Variants in SLC4A8 observed in about 807,000 individuals in gnomAD.
The protein encoded by SLC4A8 is solute carrier family 4 member 8.
In SLC4A8, 40 loss-of-function variants were observed where a neutral mutation model predicts 125.0. That is an observed-to-expected ratio of 0.32 (90% CI 0.25 to 0.42). The LOEUF (loss-of-function observed/expected upper bound fraction) is 0.42, where lower values mean the gene tolerates loss of function less well. Among genes scored for constraint, SLC4A8 ranks in the 10% least tolerant of loss-of-function variants. SLC4A8 has a pLI of 1.00. For missense variants in SLC4A8, 863 were observed against 1,355.1 expected (o/e 0.64, Z 5.70); for synonymous variants, 456 against 476.0 (o/e 0.96, Z 0.55).
In SLC4A8 at chr12:51,461,280, A is replaced by G. The variant is rs1365740579; in HGVS notation, c.1090A>G (p.Met364Val). Residue 364 changes from methionine (M) to valine (V), a missense_variant, in exon 9 of 25, where the codon ATG becomes GTG. Coordinates refer to ENST00000453097, the MANE Select transcript of SLC4A8 (RefSeq NM_001039960.3). ...HEIGRSMATIMTDEIFHDVAY... is the reference protein window; with the variant it reads ...HEIGRSMATIVTDEIFHDVAY... ...GATTGGCAGATCCATGGCCACCATC[A>G]TGACAGATGAGGTATGTGCAACTTT... is the stretch of plus-strand genomic sequence containing the variant. 3 of 1,599,770 alleles carry G rather than the reference A, an allele frequency of 1.9e-6. No homozygotes were observed.
rs1938375505 is a variant in SLC4A8 at position 51,511,812 on chromosome 12, A to G, written c.*4374A>G. On this transcript the variant is annotated 3_prime_UTR_variant, in exon 25 of 25. Transcript: ENST00000453097. Reference sequence around the variant, plus strand: ...TCCAACTTTTTCAGGCAGTATTCCAATCAGGGTTTTACGACACCAGGGTAT... The same window carrying G: ...TCCAACTTTTTCAGGCAGTATTCCAGTCAGGGTTTTACGACACCAGGGTAT... 3.9e-5 allele frequency: 6 copies of G among 152,228 alleles called. No individual in the cohort carries two copies. The South Asian group carries it at 1.2e-3, about 32-fold the overall frequency. The allele number at this position is 152,228 out of a possible 1,614,324, so 9.4% of individuals were successfully genotyped here. A position where few individuals can be genotyped will look rare whatever the true frequency, so the allele number is the denominator to read the frequency against.
intron 16 of SLC4A8, among the ~76,000 whole-genome samples, chr12:51,483,071 G>C (rs559779582): frequency 2.0e-5 from 3 of 152,138 alleles, no homozygotes; most frequent in African/African-American, 7.2e-5. Context: ...CCCAGGTATT[G>C]TTGAGTCTGT....
At chr12:51,495,470 C>CTTTTTTTTTTTTTTTTTTTTT (rs3028942) in intron 21 of SLC4A8, among the ~76,000 whole-genome samples, 7 of 76,276 alleles carry the variant, frequency 9.2e-5, no homozygotes, top group South Asian at 5.9e-4. Context: ...TTTCTTTCTT[C>CTTTTTTTTTTTTTTTTTTTTT]TTTTTTTTTT....
chr12:51,394,181 C>G (rs1948215175), intron 1 of SLC4A8, among the ~76,000 whole-genome samples: 1 of 152,218 alleles, frequency 6.6e-6, no homozygotes, highest in Non-Finnish European at 1.5e-5. Context: ...TTACCCCCAG[C>G]CTGGTGCTCC....
intron 1 of SLC4A8, among the ~76,000 whole-genome samples, chr12:51,396,539 C>A (rs1948266074): frequency 6.6e-6 from 1 of 152,002 alleles, no homozygotes. Context: ...GACAAAGTAT[C>A]AAAAATTCAA....
intron 4 of SLC4A8, 121 bp downstream of exon 4, chr12:51,452,380 C>A: frequency 8.9e-7 from 1 of 1,122,516 alleles, no homozygotes; most frequent in Non-Finnish European, 1.3e-6. Context: ...GACATGGGGA[C>A]TGACATTCCA....
intron 1 of SLC4A8, among the ~76,000 whole-genome samples, chr12:51,437,278 A>G (rs1351165969): frequency 2.0e-5 from 3 of 152,252 alleles, no homozygotes. Context: ...ACTTTGGAAC[A>G]GTAAGCTGGA....
intron 2 of SLC4A8, among the ~76,000 whole-genome samples, chr12:51,446,493 G>A (rs1222013592): frequency 6.6e-6 from 1 of 152,222 alleles, no homozygotes; most frequent in East Asian, 1.9e-4. Flanking sequence ...ACTTGGAAGT[G>A]GAGGGCACTA....
chr12:51,496,893 A>G (rs1261174189), intron 21 of SLC4A8, 94 bp from the exon 22 acceptor site: 4 of 1,266,738 alleles, frequency 3.2e-6, no homozygotes, highest in South Asian at 1.4e-5. Context: ...TTTGCTTGAA[A>G]TGTCCTAGTC....
Position 51,469,803 on chromosome 12 carries a change from C to A in SLC4A8, c.1524+15C>A. 6.2e-7 allele frequency: 1 copy of A among 1,613,052 alleles called. No individual in the cohort carries two copies. The highest frequency in any genetic ancestry group is 8.5e-7 in the Non-Finnish European group (1 of 1,179,204). On this transcript the variant is annotated intron_variant, in intron 12 of 24. Transcript: ENST00000453097. ...AGGGACGCATAGTAAGGACTTTTAA[C>A]CACTTCTAATGATCCCAAACAAGAC... is the stretch of plus-strand genomic sequence containing the variant.
chr12:51,401,448 C>T (rs1222974278), intron 1 of SLC4A8, among the ~76,000 whole-genome samples: 1 of 152,182 alleles, frequency 6.6e-6, no homozygotes, highest in Non-Finnish European at 1.5e-5. Flanking sequence ...AGCAGCTGGG[C>T]TCTCCTCTGA....
At chr12:51,489,616 T>G (rs1333181573) in intron 18 of SLC4A8, 84 bp from the exon 19 acceptor site, 1 of 1,555,710 alleles carries the variant, frequency 6.4e-7, no homozygotes, top group African/African-American at 1.4e-5. Flanking sequence ...CCTTCATGCT[T>G]TGGGCCTGAG....
chr12:51,462,492 A>T (rs780954630), intron 10 of SLC4A8, 36 bp downstream of exon 10: 49 of 1,510,468 alleles, frequency 3.2e-5, no homozygotes, highest in Non-Finnish European at 4.3e-5. Context: ...GGCTATTGTC[A>T]CTTACTGACT....
chr12:51,446,900 G>A (rs974647248), intron 2 of SLC4A8, among the ~76,000 whole-genome samples: 11 of 152,194 alleles, frequency 7.2e-5, no homozygotes, highest in African/African-American at 1.7e-4. Context: ...TGAGAGAAAC[G>A]TCTAACTTGG....
Position 51,511,599 on chromosome 12 carries a change from G to A in SLC4A8, c.*4161G>A, listed in dbSNP as rs1938369086. 6.6e-6 allele frequency: 1 copy of A among 152,184 alleles called. No homozygotes were observed. Among genetic ancestry groups the A allele is most frequent in the Non-Finnish European group, 1.5e-5 (1 of 68,076 alleles). The allele number at this position is 152,184 out of a possible 1,614,324, so 9.4% of individuals were successfully genotyped here. On this transcript the variant is annotated 3_prime_UTR_variant, in exon 25 of 25. Transcript: ENST00000453097. ...AGACGAAGTTTCACTATGTTGGCCA[G>A]GCTGGTCTGAAACTCCTGGCCTCAG... is the stretch of plus-strand genomic sequence containing the variant.
In SLC4A8 at chr12:51,469,675, C is replaced by T. The variant is rs769952457; in HGVS notation, c.1411C>T (p.Arg471Ter). 3.7e-6 allele frequency: 6 copies of T among 1,614,036 alleles called. No individual in the cohort carries two copies. Among genetic ancestry groups the T allele is most frequent in the South Asian group, 2.2e-5 (2 of 91,076 alleles). Residue 471 changes from arginine to a stop codon, truncating the protein, a stop_gained, in exon 12 of 25, where the codon CGA (arginine) becomes TGA (stop). Transcript: ENST00000453097. LOFTEE classifies it high-confidence loss of function. ...GGCCCCCTGGTACTGGAGCGACTAC[C>T]GAGATGCACTCAGCTTACAGTGTTT... The part of the protein sequence containing the change: ...RKAPWYWSDY[R>*]DALSLQCLAS...
chr12:51,425,099 A>C lies in SLC4A8; in HGVS notation c.48+64A>C, dbSNP rs1948921717. On this transcript the variant is annotated intron_variant, in intron 1 of 24. Coordinates refer to ENST00000453097, the MANE Select transcript of SLC4A8 (RefSeq NM_001039960.3). ...GGCGCAGCCTCCTCATCCTCTGCCC[A>C]CCCTCCTTCCTTCTGCCCCCGAGCC... 9 of 1,511,802 alleles carry C rather than the reference A, an allele frequency of 6.0e-6. No homozygotes were observed. In the South Asian group the frequency reaches 9.9e-5, roughly 17 times the overall value. 93.6% of individuals were successfully genotyped at this position (1,511,802 alleles called of 1,614,324 possible). A position where few individuals can be genotyped will look rare whatever the true frequency, so the allele number is the denominator to read the frequency against.
chr12:51,489,113 A>AT (rs1477888706), intron 18 of SLC4A8, among the ~76,000 whole-genome samples: 1 of 152,200 alleles, frequency 6.6e-6, no homozygotes, highest in Non-Finnish European at 1.5e-5. Context: ...GTTCCTGGTG[A>AT]TCCCTATATA....
At chr12:51,397,037 C>G (rs1256298878) in intron 1 of SLC4A8, among the ~76,000 whole-genome samples, 3 of 144,134 alleles carry the variant, frequency 2.1e-5, no homozygotes, top group African/African-American at 7.7e-5. Context: ...TCAAGCGATT[C>G]TCGTGCCTCA....
Sources: gnomAD v4.1 joint callset for allele counts (sites outside exome capture counted in the v4.1 genomes callset) on GRCh38, gnomAD v4.1.1 for gene constraint, MANE v1.5 for transcripts, NCBI Gene and HGNC (gene_info 2026-07-23, HGNC 2026-07-21) for gene names.